PTPN2: variants seen among roughly 807,000 people sequenced by gnomAD.
The protein encoded by PTPN2 is tyrosine-protein phosphatase non-receptor type 2.
In PTPN2, 19 loss-of-function variants were observed where a neutral mutation model predicts 57.3. The observed-to-expected ratio is 0.33, with a 90% CI of 0.23 to 0.49. The LOEUF is 0.49. Ranked by LOEUF, PTPN2 falls within the 20% of genes least tolerant of loss-of-function variation. The pLI, the probability that PTPN2 is intolerant of heterozygous loss-of-function variation, is 0.99. For synonymous variants in PTPN2, 153 were observed against 164.9 expected (o/e 0.93, Z 0.55); for missense variants, 358 against 501.1 (o/e 0.71, Z 2.73).
chr18:12,874,819 AT>A (rs2044430972), intron 1 of PTPN2, among the ~76,000 whole-genome samples: 1 of 152,210 alleles, frequency 6.6e-6, no homozygotes, highest in Non-Finnish European at 1.5e-5. Context: ...CCAACAGCTC[AT>A]TGAGAACAGG....
intron 5 of PTPN2, among the ~76,000 whole-genome samples, chr18:12,823,131 C>A (rs1208644977): frequency 6.6e-6 from 1 of 152,090 alleles, no homozygotes; most frequent in Non-Finnish European, 1.5e-5. Context: ...AATAAAGAAT[C>A]CCTAGTTCTA....
At chr18:12,825,773 A>T (rs1388153311) in intron 5 of PTPN2, 37 bp downstream of exon 5, 1 of 1,566,972 alleles carries the variant, frequency 6.4e-7, no homozygotes, top group South Asian at 1.2e-5. Context: ...TTAAACCATC[A>T]TATAAAGTCC....
At chr18:12,848,058 G>A (rs1049657690) in intron 2 of PTPN2, among the ~76,000 whole-genome samples, 2 of 152,024 alleles carry the variant, frequency 1.3e-5, no homozygotes, top group Admixed American at 1.3e-4. Flanking sequence ...ACTTTAATGG[G>A]ATAAGAAAAA....
chr18:12,817,320 G>T lies in PTPN2; in HGVS notation c.541C>A (p.Pro181Thr), dbSNP rs752299864. Residue 181 changes from proline (P) to threonine (T), a missense_variant, in exon 6 of 9, where the codon CCA becomes ACA. Pro to Thr is a conservative substitution (Grantham distance 38). Around this residue, in one of 4 missense-constraint regions of PTPN2, gnomAD observed 193 missense variants for 315.4 expected, o/e 0.61. Transcript: ENST00000309660. ...GGTGATTCAGGGACTCCAAAATCTG[G>T]CCAGGTAGTATAATGAAAGTGAGAT... ...TISHFHYTTW[P>T]DFGVPESPAS... 6.2e-7 allele frequency: 1 copy of T among 1,613,990 alleles called. No individual in the cohort carries two copies. The highest frequency in any genetic ancestry group is 1.7e-5 in the Admixed American group (1 of 60,004).
intron 2 of PTPN2, among the ~76,000 whole-genome samples, chr18:12,856,144 A>G (rs1208695640): frequency 6.6e-6 from 1 of 152,210 alleles, no homozygotes; most frequent in African/African-American, 2.4e-5. Flanking sequence ...TCTTTCCCAG[A>G]GACATGAAGT....
chr18:12,883,510 G>C (rs1271882761), intron 1 of PTPN2: 2 of 152,118 alleles, frequency 1.3e-5, no homozygotes, highest in Admixed American at 1.3e-4. Flanking sequence ...CCGGCGCCCA[G>C]AGCGGCCTGC....
chr18:12,867,453 T>G (rs1298913697), intron 1 of PTPN2, among the ~76,000 whole-genome samples: 1 of 152,234 alleles, frequency 6.6e-6, no homozygotes, highest in East Asian at 1.9e-4. Context: ...TACTTTTTTT[T>G]TTGTCCTCAG....
intron 5 of PTPN2, among the ~76,000 whole-genome samples, chr18:12,822,726 T>TA (rs2042313511): frequency 6.6e-6 from 1 of 152,212 alleles, no homozygotes; most frequent in Non-Finnish European, 1.5e-5. Flanking sequence ...ATCAGCCCCC[T>TA]ACTCCATCAT....
At chr18:12,860,703 A>T (rs1374280706) in intron 1 of PTPN2, among the ~76,000 whole-genome samples, 1 of 152,212 alleles carries the variant, frequency 6.6e-6, no homozygotes, top group African/African-American at 2.4e-5. Context: ...CGGAGGCTGC[A>T]GTGAGCTGAG....
chr18:12,866,055 A>G (rs552304484), intron 1 of PTPN2, among the ~76,000 whole-genome samples: 2 of 152,360 alleles, frequency 1.3e-5, no homozygotes, highest in South Asian at 2.1e-4. Context: ...AAAATGGTAT[A>G]TATCTATATA....
At chr18:12,877,798 T>G (rs1257925734) in intron 1 of PTPN2, among the ~76,000 whole-genome samples, 1 of 150,588 alleles carries the variant, frequency 6.6e-6, no homozygotes, top group Non-Finnish European at 1.5e-5. Flanking sequence ...GATCACAAAG[T>G]CAGGAGATCA....
intron 2 of PTPN2, among the ~76,000 whole-genome samples, chr18:12,838,985 AAAC>A (rs1283649959): frequency 2.0e-5 from 3 of 151,988 alleles, no homozygotes; most frequent in South Asian, 2.1e-4. Flanking sequence ...AAAATTATAA[AAAC>A]AAAAATTGAA....
chr18:12,819,200 TA>T (rs1308771602), intron 5 of PTPN2: 3 of 1,286,102 alleles, frequency 2.3e-6, no homozygotes, highest in Admixed American at 2.7e-5. Flanking sequence ...ATAAATTTTC[TA>T]AAAAGTACAT....
chr18:12,829,571 G>A (rs978456687), intron 4 of PTPN2, among the ~76,000 whole-genome samples: 1 of 151,298 alleles, frequency 6.6e-6, no homozygotes, highest in African/African-American at 2.4e-5. Context: ...CCAATGACAG[G>A]GTAATTTGAT....
At chr18:12,819,986 G>T (rs2042216968) in intron 5 of PTPN2, among the ~76,000 whole-genome samples, 1 of 152,234 alleles carries the variant, frequency 6.6e-6, no homozygotes, top group Non-Finnish European at 1.5e-5. Flanking sequence ...GGCCTGCAGT[G>T]CTCTGTGGGC....
intron 1 of PTPN2, among the ~76,000 whole-genome samples, chr18:12,874,569 C>A (rs1161656432): frequency 1.6e-5 from 2 of 126,360 alleles, no homozygotes; most frequent in African/African-American, 3.1e-5. Flanking sequence ...CCAGCCGCCC[C>A]GTCCGGGAGG....
chr18:12,793,019 C>T lies in PTPN2; in HGVS notation c.*1259G>A. 1.0e-6 allele frequency: 1 copy of T among 985,350 alleles called. No individual in the cohort carries two copies. The highest frequency in any genetic ancestry group is 1.2e-6 in the Non-Finnish European group (1 of 829,834). The allele number at this position is 985,350 out of a possible 1,614,324, so 61.0% of individuals were successfully genotyped here. A position where few individuals can be genotyped will look rare whatever the true frequency, so the allele number is the denominator to read the frequency against. On this transcript the variant is annotated 3_prime_UTR_variant, in exon 9 of 9. Coordinates refer to ENST00000309660, the MANE Select transcript of PTPN2 (RefSeq NM_002828.4). Reference sequence around the variant, plus strand: ...GTAACCTCTTGACCCACCTGGACATCCAATGAGCATAGTTTGAAAACCACT... The same window carrying T: ...GTAACCTCTTGACCCACCTGGACATTCAATGAGCATAGTTTGAAAACCACT...
intron 7 of PTPN2, among the ~76,000 whole-genome samples, chr18:12,809,766 T>C (rs1385915667): frequency 1.3e-5 from 2 of 152,234 alleles, no homozygotes; most frequent in South Asian, 2.1e-4. Flanking sequence ...TTGTGCAATA[T>C]GGTACTGTTA....
At chr18:12,794,543 C>CT (rs1238757106) in intron 8 of PTPN2, 58 bp from the exon 9 acceptor site, 4 of 1,580,554 alleles carry the variant, frequency 2.5e-6, no homozygotes, top group Middle Eastern at 2.3e-4. Flanking sequence ...CTTGAGTACT[C>CT]TAACACAGAG....
Sources: gnomAD v4.1 joint callset for allele counts (sites outside exome capture counted in the v4.1 genomes callset) on GRCh38, gnomAD v4.1.1 for gene constraint, gnomAD v4.1.1 regional missense constraint, MANE v1.5 for transcripts, NCBI Gene and HGNC (gene_info 2026-07-23, HGNC 2026-07-21) for gene names.